PATJ: variants seen among roughly 807,000 people sequenced by gnomAD.
The protein encoded by PATJ is PATJ crumbs cell polarity complex component.
Under a neutral mutation model 224.9 loss-of-function variants are expected in PATJ, and 190 were observed. The observed-to-expected ratio is 0.84, with a 90% CI of 0.75 to 0.95. The LOEUF (loss-of-function observed/expected upper bound fraction) is 0.95. Ranked by LOEUF, PATJ falls within the 40% of genes least tolerant of loss-of-function variation. The pLI, the probability that PATJ is intolerant of heterozygous loss-of-function variation, is 0.00. For missense variants in PATJ, 2,121 were observed against 2,270.3 expected (o/e 0.93, Z 1.34); for synonymous variants, 769 against 820.3 (o/e 0.94, Z 1.07).
At chr1:61,836,085 GA>G (rs1660131409) in intron 17 of PATJ, among the ~76,000 whole-genome samples, 1 of 152,056 alleles carries the variant, frequency 6.6e-6, no homozygotes, top group African/African-American at 2.4e-5. Flanking sequence ...GTAAAGGATG[GA>G]AAGAAAAACT....
chr1:61,862,208 G>T (rs531225429), intron 19 of PATJ, among the ~76,000 whole-genome samples: 3 of 150,726 alleles, frequency 2.0e-5, no homozygotes, highest in Non-Finnish European at 4.4e-5. Flanking sequence ...TTGTTATTTT[G>T]TTTTTTTTGA....
intron 27 of PATJ, among the ~76,000 whole-genome samples, chr1:61,981,999 T>A (rs1644477537): frequency 6.6e-6 from 1 of 152,034 alleles, no homozygotes; most frequent in South Asian, 2.1e-4. Context: ...CTCTGTATGC[T>A]ATTCCCTTCC....
At chr1:61,797,244 G>A (rs751461176) in intron 10 of PATJ, 43 bp from the exon 11 acceptor site, 1 of 1,578,568 alleles carries the variant, frequency 6.3e-7, no homozygotes, top group Non-Finnish European at 8.7e-7. Context: ...AAAAATAGTA[G>A]CTAATTTAAA....
intron 27 of PATJ, among the ~76,000 whole-genome samples, chr1:61,954,486 TA>T (rs1343318740): frequency 6.6e-6 from 1 of 152,162 alleles, no homozygotes; most frequent in Non-Finnish European, 1.5e-5. Flanking sequence ...TATATATAAG[TA>T]TAGGTTAAAC....
In PATJ at chr1:62,111,463, A is replaced by G. The variant is rs1663801897; in HGVS notation, c.4462-2590A>G. Among the ~76,000 whole-genome samples the G allele has an allele frequency of 4.6e-5, 7 of 152,184 alleles. No homozygotes were observed. In the South Asian group the frequency reaches 1.4e-3, roughly 32 times the overall value. On this transcript the variant is annotated intron_variant, in intron 34 of 43. Coordinates refer to ENST00000642238, the MANE Select transcript of PATJ (RefSeq NM_001350145.3). ...CAACTTCTAACTTACATTGGATATAACTGTGTGCCAAGCCCTGTGCCAAAT... is the reference window on the plus strand; with the variant it reads ...CAACTTCTAACTTACATTGGATATAGCTGTGTGCCAAGCCCTGTGCCAAAT...
chr1:62,000,787 G>T (rs372618145), intron 28 of PATJ, among the ~76,000 whole-genome samples: 22,787 of 144,014 alleles, frequency 0.16, 2,231 homozygotes, highest in Non-Finnish European at 0.2. Flanking sequence ...ACTTCCCCAA[G>T]GGTTGAACTA....
chr1:61,759,313 C>T (rs936242322), intron 1 of PATJ, among the ~76,000 whole-genome samples: 2 of 152,138 alleles, frequency 1.3e-5, no homozygotes, highest in Non-Finnish European at 2.9e-5. Flanking sequence ...AGATTGGACA[C>T]CCCTGTGGCT....
At chr1:61,852,631 G>T (rs1663015811) in intron 17 of PATJ, 1 of 152,206 alleles carries the variant, frequency 6.6e-6, no homozygotes, top group Admixed American at 6.5e-5. Context: ...GGGGGCCTGG[G>T]GGTTGGGTAA....
intron 28 of PATJ, among the ~76,000 whole-genome samples, chr1:62,006,081 A>C (rs947258451): frequency 4.0e-5 from 6 of 151,738 alleles, no homozygotes; most frequent in Admixed American, 6.6e-5. Flanking sequence ...GCTGCTCTTC[A>C]GTATACATTT....
At chr1:61,962,137 T>G (rs1213741878) in intron 27 of PATJ, among the ~76,000 whole-genome samples, 2 of 152,188 alleles carry the variant, frequency 1.3e-5, no homozygotes, top group Non-Finnish European at 1.5e-5. Flanking sequence ...TTGGTTCCTC[T>G]ATTATTTCAT....
chr1:61,829,482 C>G, intron 16 of PATJ, among the ~76,000 whole-genome samples: 1 of 152,178 alleles, frequency 6.6e-6, no homozygotes, highest in East Asian at 1.9e-4. Context: ...ACTCTCTGCC[C>G]CCGTCTGTCA....
intron 25 of PATJ, among the ~76,000 whole-genome samples, chr1:61,912,884 C>T (rs967768038): frequency 1.8e-4 from 27 of 152,252 alleles, no homozygotes; most frequent in African/African-American, 6.5e-4. Flanking sequence ...GTTTAAGATT[C>T]TTCAGGACAA....
At chr1:61,846,537 A>G (rs1661986837) in intron 17 of PATJ, among the ~76,000 whole-genome samples, 1 of 152,190 alleles carries the variant, frequency 6.6e-6, no homozygotes, top group African/African-American at 2.4e-5. Flanking sequence ...AAAATTTACC[A>G]TCATAACTTT....
chr1:61,831,086 G>T (rs1174396596), intron 16 of PATJ, among the ~76,000 whole-genome samples: 2 of 151,536 alleles, frequency 1.3e-5, no homozygotes, highest in Non-Finnish European at 2.9e-5. Flanking sequence ...ACTTGGGGGG[G>T]CTGAGGCAGG....
chr1:62,007,222 A>G (rs974717741), intron 28 of PATJ, among the ~76,000 whole-genome samples: 3 of 152,208 alleles, frequency 2.0e-5, no homozygotes, highest in Admixed American at 6.5e-5. Context: ...GAACCTGGGA[A>G]AAAAATGAAC....
chr1:62,080,965 T>G (rs1659201779), intron 32 of PATJ, among the ~76,000 whole-genome samples: 1 of 152,184 alleles, frequency 6.6e-6, no homozygotes, highest in South Asian at 2.1e-4. Flanking sequence ...TAAGAAAATT[T>G]TATTAAAATA....
At chr1:61,916,781 A>G (rs796104226) in intron 26 of PATJ, among the ~76,000 whole-genome samples, 27 of 152,320 alleles carry the variant, frequency 1.8e-4, no homozygotes, top group African/African-American at 6.3e-4. Flanking sequence ...TTTGGAGGCT[A>G]GAGTCTTCTT....
At chr1:62,159,337 A>G (rs1461736483) in intron 43 of PATJ, among the ~76,000 whole-genome samples, 4 of 152,052 alleles carry the variant, frequency 2.6e-5, no homozygotes, top group Admixed American at 2.6e-4. Flanking sequence ...GATTACAGGC[A>G]TGCGCCATCA....
At chr1:61,947,741 G>T (rs1678974832) in intron 27 of PATJ, among the ~76,000 whole-genome samples, 1 of 152,148 alleles carries the variant, frequency 6.6e-6, no homozygotes, top group Non-Finnish European at 1.5e-5. Flanking sequence ...AACCAAAAAA[G>T]AGCCCGCATT....
Sources: gnomAD v4.1 joint callset for allele counts (sites outside exome capture counted in the v4.1 genomes callset) on GRCh38, gnomAD v4.1.1 for gene constraint, MANE v1.5 for transcripts, NCBI Gene and HGNC (gene_info 2026-07-23, HGNC 2026-07-21) for gene names.